Variants in GALNT13 observed in about 807,000 individuals in gnomAD.
GALNT13 encodes UDP-GalNAc:polypeptide N-acetylgalactosaminyltransferase 13.
A neutral mutation model predicts 64.2 loss-of-function variants in GALNT13; 28 were observed. The observed-to-expected ratio is 0.44, with a 90% CI of 0.32 to 0.60. The LOEUF is 0.60. Among genes scored for constraint, GALNT13 ranks in the 20% least tolerant of loss-of-function variants. GALNT13 has a pLI of 0.05. For missense variants in GALNT13, 577 were observed against 669.8 expected (o/e 0.86, Z 1.53); for synonymous variants, 214 against 224.6 (o/e 0.95, Z 0.42).
chr2:153,623,207 A>G, the GALNT13 span, among the ~76,000 whole-genome samples: 1 of 152,074 alleles, frequency 6.6e-6, no homozygotes, highest in African/African-American at 2.4e-5. Flanking sequence ...GTAACCTATT[A>G]GGGCTCCATT....
At chr2:153,243,265 C>G in the GALNT13 span, among the ~76,000 whole-genome samples, 2 of 152,146 alleles carry the variant, frequency 1.3e-5, no homozygotes, top group Non-Finnish European at 2.9e-5. Context: ...GATTTCCCTC[C>G]TTCTGGGGGA....
chr2:153,502,717 T>C, the GALNT13 span, among the ~76,000 whole-genome samples: 1 of 152,252 alleles, frequency 6.6e-6, no homozygotes, highest in Non-Finnish European at 1.5e-5. Context: ...TGTAAAAGTG[T>C]TCTTTATTCA....
chr2:153,136,713 A>G, the GALNT13 span, among the ~76,000 whole-genome samples: 1 of 152,064 alleles, frequency 6.6e-6, no homozygotes, highest in African/African-American at 2.4e-5. Flanking sequence ...TTTTGCATGG[A>G]AAGACAGAGA....
chr2:153,182,692 T>C, the GALNT13 span, among the ~76,000 whole-genome samples: 1 of 152,164 alleles, frequency 6.6e-6, no homozygotes, highest in Non-Finnish European at 1.5e-5. Context: ...AGGTCCCACT[T>C]ATTAGTGAGA....
the GALNT13 span, among the ~76,000 whole-genome samples, chr2:153,864,175 C>CT: frequency 5.9e-5 from 9 of 152,106 alleles, no homozygotes; most frequent in African/African-American, 1.7e-4. Context: ...GTCAGGCTGG[C>CT]ATTACCACAA....
Position 154,428,412 on chromosome 2 carries a change from T to C in GALNT13, c.1396-10180T>C, listed in dbSNP as rs114026705. ...CTCGCACAAGAAAAGTATTTTATAATTTAAATGTAGGGAAATCAAAACCTA... is the reference window on the plus strand; with the variant it reads ...CTCGCACAAGAAAAGTATTTTATAACTTAAATGTAGGGAAATCAAAACCTA... On this transcript the variant is annotated intron_variant, in intron 11 of 12. Transcript: ENST00000392825. Among the ~76,000 whole-genome samples the C allele has an allele frequency of 3.8e-3, 578 of 152,282 alleles. 7 individuals are homozygous for C. Among genetic ancestry groups the C allele is most frequent in the African/African-American group, 0.013 (542 of 41,560 alleles).
At chr2:153,947,003 A>G (rs1691803329) in intron 3 of GALNT13, among the ~76,000 whole-genome samples, 1 of 152,028 alleles carries the variant, frequency 6.6e-6, no homozygotes, top group Non-Finnish European at 1.5e-5. Context: ...AGGCTTTTTT[A>G]CTTAAAAAAA....
chr2:154,445,692 A>C (rs1253544725), intron 12 of GALNT13: 1 of 525,858 alleles, frequency 1.9e-6, no homozygotes, highest in Middle Eastern at 3.8e-4. Flanking sequence ...TAAATCCTTG[A>C]AAACATAAAT....
At chr2:154,118,211 C>CAT (rs1412468660) in intron 3 of GALNT13, among the ~76,000 whole-genome samples, 1 of 149,628 alleles carries the variant, frequency 6.7e-6, no homozygotes, top group Non-Finnish European at 1.5e-5. Context: ...GGGTGCGGTG[C>CAT]ATATATATTT....
the GALNT13 span, among the ~76,000 whole-genome samples, chr2:153,389,933 G>A: frequency 1.3e-5 from 2 of 151,948 alleles, no homozygotes; most frequent in Admixed American, 6.6e-5. Flanking sequence ...GAATAATAGT[G>A]TTTATGACCC....
intron 3 of GALNT13, among the ~76,000 whole-genome samples, chr2:153,946,660 T>A (rs1558868418): frequency 6.6e-6 from 1 of 151,360 alleles, no homozygotes; most frequent in Non-Finnish European, 1.5e-5. Context: ...CTAATTGCAT[T>A]CATGAAGGTT....
At chr2:153,911,578 C>T (rs1574096532) in intron 2 of GALNT13, among the ~76,000 whole-genome samples, 1 of 152,014 alleles carries the variant, frequency 6.6e-6, no homozygotes, top group African/African-American at 2.4e-5. Context: ...GTGCTTTTTT[C>T]AGGAGCTCTT....
chr2:153,377,937 C>G, the GALNT13 span, among the ~76,000 whole-genome samples: 1 of 152,086 alleles, frequency 6.6e-6, no homozygotes, highest in Admixed American at 6.6e-5. Flanking sequence ...AAGTTCAATA[C>G]TAGATTGGAC....
At chr2:154,408,576 A>G (rs1348184685) in intron 10 of GALNT13, among the ~76,000 whole-genome samples, 1 of 152,058 alleles carries the variant, frequency 6.6e-6, no homozygotes, top group African/African-American at 2.4e-5. Flanking sequence ...ATTTGTTTTT[A>G]TTTCCTTCCA....
At chr2:153,522,059 G>A in the GALNT13 span, among the ~76,000 whole-genome samples, 1 of 152,134 alleles carries the variant, frequency 6.6e-6, no homozygotes, top group Admixed American at 6.5e-5. Context: ...CTAAATAAAA[G>A]AGGAGCACAT....
the GALNT13 span, among the ~76,000 whole-genome samples, chr2:153,788,886 A>C: frequency 1.3e-5 from 2 of 152,256 alleles, no homozygotes; most frequent in East Asian, 3.8e-4. Flanking sequence ...GATTCAATTC[A>C]ACAAGAAGAC....
At chr2:153,532,903 A>G in the GALNT13 span, among the ~76,000 whole-genome samples, 1 of 152,226 alleles carries the variant, frequency 6.6e-6, no homozygotes, top group East Asian at 1.9e-4. Flanking sequence ...AACTAAAAGA[A>G]TAAAAGTGGA....
At chr2:154,047,888 G>A (rs1272787994) in intron 3 of GALNT13, among the ~76,000 whole-genome samples, 1 of 152,100 alleles carries the variant, frequency 6.6e-6, no homozygotes. Flanking sequence ...ACCAGACCCC[G>A]GTAGCACACT....
chr2:154,056,167 A>G (rs1699884148), intron 3 of GALNT13, among the ~76,000 whole-genome samples: 1 of 152,098 alleles, frequency 6.6e-6, no homozygotes, highest in African/African-American at 2.4e-5. Flanking sequence ...TCAGAAAGTT[A>G]TTTTTTTCTG....
Sources: allele counts gnomAD v4.1 joint callset (sites outside exome capture counted in the v4.1 genomes callset), GRCh38; gene constraint gnomAD v4.1.1; transcripts MANE v1.5; gene names NCBI Gene and HGNC (gene_info 2026-07-23, HGNC 2026-07-21).